The following PIBF1 variants were observed in gnomAD, a reference collection of about 807,000 sequenced individuals.
The protein encoded by PIBF1 is progesterone-induced-blocking factor 1.
Under a neutral mutation model 112.5 loss-of-function variants are expected in PIBF1, and 90 were observed. The ratio of observed to expected loss-of-function variants is 0.80; its 90% CI spans 0.67 to 0.95. The LOEUF is 0.95. PIBF1 is among the 40% of genes least tolerant of loss of function. The pLI is 0.00. For missense variants in PIBF1, 915 were observed against 852.3 expected (o/e 1.07, Z -0.92); for synonymous variants, 301 against 288.6 (o/e 1.04, Z -0.44).
At chr13:72,928,557 A>G (rs2041606976) in intron 13 of PIBF1, among the ~76,000 whole-genome samples, 2 of 152,144 alleles carry the variant, frequency 1.3e-5, no homozygotes, top group African/African-American at 4.8e-5. Context: ...CTCCTGCCTC[A>G]GCCTCCTCAG....
At chr13:72,876,428 G>A (rs1238528154) in intron 10 of PIBF1, among the ~76,000 whole-genome samples, 1 of 151,854 alleles carries the variant, frequency 6.6e-6, no homozygotes, top group African/African-American at 2.4e-5. Flanking sequence ...TCTTTTGCCT[G>A]TCTATATTAA....
At chr13:72,822,665 ATAAT>A (rs1189148988) in intron 6 of PIBF1, among the ~76,000 whole-genome samples, 1 of 152,214 alleles carries the variant, frequency 6.6e-6, no homozygotes, top group Non-Finnish European at 1.5e-5. Flanking sequence ...TCCACTTGAA[ATAAT>A]TCTTAAAATG....
chr13:72,852,574 G>A (rs566040013), intron 9 of PIBF1, among the ~76,000 whole-genome samples: 40 of 152,298 alleles, frequency 2.6e-4, no homozygotes, highest in African/African-American at 9.1e-4. Context: ...CAGTGGGCCT[G>A]AGCATAACTC....
intron 5 of PIBF1, among the ~76,000 whole-genome samples, chr13:72,812,286 AT>A (rs1255473562): frequency 6.6e-6 from 1 of 152,106 alleles, no homozygotes; most frequent in Non-Finnish European, 1.5e-5. Flanking sequence ...TTATGATTTA[AT>A]TTTTTTAATG....
At chr13:72,999,760 G>A (rs536755950) in intron 17 of PIBF1, among the ~76,000 whole-genome samples, 1 of 152,292 alleles carries the variant, frequency 6.6e-6, no homozygotes, top group South Asian at 2.1e-4. Flanking sequence ...AATGAAAGTT[G>A]CAGTTTAGAT....
At chr13:72,990,075 G>A (rs1464973784) in intron 16 of PIBF1, among the ~76,000 whole-genome samples, 6 of 151,640 alleles carry the variant, frequency 4.0e-5, no homozygotes, top group Non-Finnish European at 7.4e-5. Flanking sequence ...TTAGCTGGGC[G>A]TGGTGGTGCA....
intron 11 of PIBF1, among the ~76,000 whole-genome samples, chr13:72,901,577 C>T (rs572254375): frequency 5.5e-4 from 83 of 151,896 alleles, no homozygotes; most frequent in African/African-American, 1.9e-3. Context: ...CTAAGCTACT[C>T]GAGAGACTGA....
intron 5 of PIBF1, among the ~76,000 whole-genome samples, chr13:72,814,430 C>T (rs1181835826): frequency 1.6e-5 from 2 of 126,004 alleles, no homozygotes; most frequent in Non-Finnish European, 3.3e-5. Context: ...AGCAAGACTT[C>T]GTCTCAAAAA....
chr13:72,982,756 G>A (rs1306279787), intron 16 of PIBF1, among the ~76,000 whole-genome samples: 1 of 152,152 alleles, frequency 6.6e-6, no homozygotes, highest in Non-Finnish European at 1.5e-5. Flanking sequence ...CAAAAAATAA[G>A]TGTCACTCTG....
Position 72,902,025 on chromosome 13 carries a change from T to TAC in PIBF1, c.1489-6498_1489-6497dup, listed in dbSNP as rs78258217. ...ATGTATATGTGTGTGTGTGTGTGTA[T>TAC]ACACACACATGATGGAATACTGCTC... On this transcript the variant is annotated intron_variant, in intron 11 of 17. Transcript: ENST00000326291. Among the ~76,000 whole-genome samples, 643 of 150,860 alleles carry TAC rather than the reference T, an allele frequency of 4.3e-3. 11 individuals carry two copies. Among genetic ancestry groups the TAC allele is most frequent in the African/African-American group, 0.014 (596 of 41,296 alleles).
intron 2 of PIBF1, among the ~76,000 whole-genome samples, chr13:72,785,876 G>A (rs1026990515): frequency 6.6e-6 from 1 of 152,104 alleles, no homozygotes; most frequent in Admixed American, 6.5e-5. Flanking sequence ...ATTGTCCTTG[G>A]TTGTCAATGG....
intron 17 of PIBF1, among the ~76,000 whole-genome samples, chr13:73,001,143 T>C (rs1231454962): frequency 6.6e-6 from 1 of 152,196 alleles, no homozygotes; most frequent in African/African-American, 2.4e-5. Context: ...TGTGTTCTTA[T>C]CTATAAAATT....
At chr13:72,998,040 G>T (rs1335499519) in intron 16 of PIBF1, among the ~76,000 whole-genome samples, 1 of 152,148 alleles carries the variant, frequency 6.6e-6, no homozygotes, top group Non-Finnish European at 1.5e-5. Flanking sequence ...TTTGTAAAAG[G>T]ATAAGGGATA....
At chr13:72,943,621 A>T (rs1366703808) in intron 14 of PIBF1, among the ~76,000 whole-genome samples, 3 of 152,100 alleles carry the variant, frequency 2.0e-5, no homozygotes. Flanking sequence ...ATTTGATTCT[A>T]ATCTACTTCT....
At chr13:72,868,421 C>T (rs968239086) in intron 10 of PIBF1, among the ~76,000 whole-genome samples, 2 of 152,032 alleles carry the variant, frequency 1.3e-5, no homozygotes, top group African/African-American at 4.8e-5. Context: ...ACTCACATAC[C>T]TGTAAAGGTA....
At chr13:72,834,336 A>G (rs2037255035) in intron 8 of PIBF1, among the ~76,000 whole-genome samples, 1 of 152,210 alleles carries the variant, frequency 6.6e-6, no homozygotes, top group African/African-American at 2.4e-5. Flanking sequence ...ACATACCAAA[A>G]CAAACATGCT....
Position 72,821,967 on chromosome 13 carries a change from A to G in PIBF1, c.791A>G (p.Tyr264Cys). The change falls in exon 6 of 18, where the codon TAT (tyrosine) becomes TGT (cysteine). Residue 264 changes from tyrosine (Y) to cysteine (C), a missense_variant. Coordinates refer to ENST00000326291, the MANE Select transcript of PIBF1 (RefSeq NM_006346.4). Reference sequence around the variant, plus strand: ...CAAGGTGACTACCGTCAAGAGAACTATGATAAAGTCAAGAGGTAAGTAGTT... The same window carrying G: ...CAAGGTGACTACCGTCAAGAGAACTGTGATAAAGTCAAGAGGTAAGTAGTT... Reference protein sequence around the residue: ...IQQGDYRQENYDKVKSERDAL... With the variant: ...IQQGDYRQENCDKVKSERDAL... The G allele has an allele frequency of 5.6e-6, 9 of 1,611,660 alleles. No homozygotes were observed. The highest frequency in any genetic ancestry group is 7.6e-6 in the Non-Finnish European group (9 of 1,178,916).
intron 16 of PIBF1, among the ~76,000 whole-genome samples, chr13:72,994,321 G>A (rs879490011): frequency 3.3e-4 from 50 of 152,080 alleles, no homozygotes; most frequent in African/African-American, 8.9e-4. Flanking sequence ...GGAAAAAGGC[G>A]TACATTGTTT....
intron 5 of PIBF1, among the ~76,000 whole-genome samples, chr13:72,806,542 G>A (rs1465211905): frequency 6.6e-6 from 1 of 151,618 alleles, no homozygotes; most frequent in East Asian, 1.9e-4. Context: ...CCCCCTGATA[G>A]GCCCCAGTGT....
Sources: allele counts gnomAD v4.1 joint callset (sites outside exome capture counted in the v4.1 genomes callset), GRCh38; gene constraint gnomAD v4.1.1; transcripts MANE v1.5; gene names NCBI Gene and HGNC (gene_info 2026-07-23, HGNC 2026-07-21).